SYNPO2L: variants seen among roughly 807,000 people sequenced by gnomAD.
SYNPO2L encodes the protein synaptopodin 2 like, also known as synaptopodin 2-like protein.
SYNPO2L carries 34 observed loss-of-function variants against 47.5 expected under a neutral mutation model. The ratio of observed to expected loss-of-function variants is 0.72; its 90% CI spans 0.54 to 0.95. The LOEUF is 0.95. SYNPO2L is among the 40% of genes least tolerant of loss of function. The pLI is 0.00. For synonymous variants in SYNPO2L, 536 were observed against 524.9 expected (o/e 1.02, Z -0.29); for missense variants, 1,246 against 1,282.0 (o/e 0.97, Z 0.43).
At position 73,648,848 on chromosome 10, in the gene SYNPO2L, C is replaced by G; in HGVS notation, c.804G>C (p.Lys268Asn). The G allele has an allele frequency of 1.3e-6, 2 of 1,540,328 alleles. No homozygotes were observed. The highest frequency in any genetic ancestry group is 2.3e-5 in the East Asian group (1 of 44,154). ...KLQRAESLQE[K>N]SIKEAKTKCR... ...ATTTGGTCTTGGCCTCTTTTATGCT[C>G]TTCTCTTGGAGGCTCTCTGCACGTT... is the stretch of plus-strand genomic sequence containing the variant. The change falls in exon 4 of 4, where the codon AAG (lysine) becomes AAC (asparagine). Residue 268 changes from lysine (K) to asparagine (N), a missense_variant. Transcript: ENST00000394810.
At position 73,648,596 on chromosome 10, in the gene SYNPO2L, C is replaced by G; in HGVS notation, c.1056G>C (p.Trp352Cys). ...DARSLTNQSD[W>C]DSPYLDMELA... is the part of the protein sequence containing the mutation. ...GCTCCATGTCCAGATAGGGACTGTC[C>G]CAGTCAGATTGATTGGTGAGGCTGC... The change falls in exon 4 of 4, where the codon TGG (tryptophan) becomes TGC (cysteine). Residue 352 changes from tryptophan (W) to cysteine (C), a missense_variant. Trp to Cys is a radical substitution (Grantham distance 215, BLOSUM62 -2). Around this residue, in one of 3 missense-constraint regions of SYNPO2L, gnomAD observed 1,037 missense variants for 1,021.5 expected, o/e 1.02. Transcript: ENST00000394810. 1.9e-6 allele frequency: 3 copies of G among 1,614,142 alleles called. No homozygotes were observed. Among genetic ancestry groups the G allele is most frequent in the Non-Finnish European group, 2.5e-6 (3 of 1,180,004 alleles).
At position 73,653,407 on chromosome 10, in the gene SYNPO2L, C is replaced by T. The variant is rs918895780; in HGVS notation, c.504G>A (p.Pro168=). The change falls in exon 3 of 4, where the codon CCG becomes CCA. Residue 168 remains proline (P), a synonymous_variant. Transcript: ENST00000394810. ...RRRGPTRPTP[P]GAPPDEVYLS... ...GGTAGACCTCATCAGGTGGGGCACC[C>T]GGAGGGGTGGGCCTTGTGGGGCCTC... The T allele has an allele frequency of 1.9e-5, 29 of 1,551,352 alleles. No homozygotes were observed. Among genetic ancestry groups the T allele is most frequent in the Admixed American group, 1.4e-4 (7 of 50,978 alleles).
chr10:73,651,903 G>A (rs1264546984), intron 3 of SYNPO2L, among the ~76,000 whole-genome samples: 3 of 151,628 alleles, frequency 2.0e-5, no homozygotes, highest in Non-Finnish European at 2.9e-5. Flanking sequence ...GTGAAACGCC[G>A]TCTCTACTAA....
At chr10:73,655,067 T>G (rs969647517) in intron 1 of SYNPO2L, among the ~76,000 whole-genome samples, 1 of 152,200 alleles carries the variant, frequency 6.6e-6, no homozygotes, top group African/African-American at 2.4e-5. Flanking sequence ...TACACACAAA[T>G]GTATATATGC....
intron 3 of SYNPO2L, among the ~76,000 whole-genome samples, chr10:73,649,125 T>A (rs1426849343): frequency 2.0e-5 from 3 of 152,114 alleles, no homozygotes; most frequent in Non-Finnish European, 4.4e-5. Flanking sequence ...AGCTCTTCCA[T>A]CCCATTTTAC....
Position 73,648,310 on chromosome 10 carries a change from T to A in SYNPO2L, c.1342A>T (p.Arg448Ter). 1 of 1,604,614 alleles carries A rather than the reference T, an allele frequency of 6.2e-7. No individual in the cohort carries two copies. Among genetic ancestry groups the A allele is most frequent in the Non-Finnish European group, 8.5e-7 (1 of 1,179,474 alleles). The change falls in exon 4 of 4, where the codon AGA (arginine) becomes TGA (stop). Residue 448 changes from arginine to a stop codon, truncating the protein, a stop_gained. Coordinates refer to ENST00000394810, the MANE Select transcript of SYNPO2L (RefSeq NM_001114133.3). LOFTEE classifies it low-confidence loss of function (END_TRUNC). Reference protein sequence around the residue: ...SPLPAPVASPRPFQPGGGAPT... With the variant: ...SPLPAPVASP The stretch of plus-strand genomic sequence containing the variant: ...GCTCCACCACCTGGTTGGAAGGGTC[T>A]GGGGCTGGCTACAGGCGCCGGCAAG...
Position 73,647,635 on chromosome 10 carries a change from C to T in SYNPO2L, c.2017G>A (p.Glu673Lys), listed in dbSNP as rs1281904778. Residue 673 changes from glutamate to lysine, a missense_variant, in exon 4 of 4, where the codon GAA becomes AAA. Around this residue, in one of 3 missense-constraint regions of SYNPO2L, gnomAD observed 1,037 missense variants for 1,021.5 expected, o/e 1.02. Transcript: ENST00000394810. The stretch of plus-strand genomic sequence containing the variant: ...GCCCCGAGGCTCAGAGCATCTTCTT[C>T]AGGACCAGATTCTGCACCCCCGGCC... ...PRAGGAESGP[E>K]EDALSLGAEA... The T allele has an allele frequency of 6.2e-7, 1 of 1,614,184 alleles. No individual in the cohort carries two copies. Among genetic ancestry groups the T allele is most frequent in the Admixed American group, 1.7e-5 (1 of 60,024 alleles).
At position 73,646,591 on chromosome 10, in the gene SYNPO2L, T is replaced by C. The variant is rs1207959667; in HGVS notation, c.*127A>G. The C allele has an allele frequency of 2.3e-5, 31 of 1,330,292 alleles. No individual in the cohort carries two copies. Among genetic ancestry groups the C allele is most frequent in the Non-Finnish European group, 3.0e-5 (31 of 1,036,098 alleles). The allele number at this position is 1,330,292 out of a possible 1,614,324, so 82.4% of individuals were successfully genotyped here. A position where few individuals can be genotyped will look rare whatever the true frequency, so the allele number is the denominator to read the frequency against. ...GAAGGTGGGGGAAGGGGACATCAAC[T>C]TGGAAACCATCTCTGGCAGGAGGCA... On this transcript the variant is annotated 3_prime_UTR_variant, in exon 4 of 4. Coordinates refer to ENST00000394810, the MANE Select transcript of SYNPO2L (RefSeq NM_001114133.3).
rs763416831 is a variant in SYNPO2L at position 73,648,496 on chromosome 10, G to T, written c.1156C>A (p.Arg386=). The change falls in exon 4 of 4, where the codon CGA becomes AGA. Residue 386 remains arginine (R), a synonymous_variant. Coordinates refer to ENST00000394810, the MANE Select transcript of SYNPO2L (RefSeq NM_001114133.3). The part of the protein sequence containing the change: ...LGGQLSEVSG[R]GVQLFEQQRQ... ...TGCTGTTCAAAGAGCTGCACCCCTCGCCCAGAGACCTCACTCAGCTGCCCT... is the reference window on the plus strand; with the variant it reads ...TGCTGTTCAAAGAGCTGCACCCCTCTCCCAGAGACCTCACTCAGCTGCCCT... 1 of 1,613,522 alleles carries T rather than the reference G, an allele frequency of 6.2e-7. No homozygotes were observed. Among genetic ancestry groups the T allele is most frequent in the Admixed American group, 1.7e-5 (1 of 60,010 alleles).
chr10:73,650,734 T>C, intron 3 of SYNPO2L: 1 of 985,334 alleles, frequency 1.0e-6, no homozygotes, highest in Non-Finnish European at 1.2e-6. Flanking sequence ...CTTTGACATG[T>C]GACCACAGCA....
Position 73,646,762 on chromosome 10 carries a change from C to G in SYNPO2L, c.2890G>C (p.Gly964Arg). ...ARPRFSATRT[G>R]LQAHVWRPGA... ...GGCCTCCACACATGAGCTTGCAATCCTGTTCTGGTGGCTGAAAATCGGGGC... is the reference window on the plus strand; with the variant it reads ...GGCCTCCACACATGAGCTTGCAATCGTGTTCTGGTGGCTGAAAATCGGGGC... The change falls in exon 4 of 4, where the codon GGA (glycine) becomes CGA (arginine). Residue 964 changes from glycine (G) to arginine (R), a missense_variant. Physicochemically the swap from Gly to Arg is moderately radical, Grantham distance 125. Transcript: ENST00000394810. The G allele has an allele frequency of 6.6e-7, 1 of 1,516,256 alleles. No individual in the cohort carries two copies. The highest frequency in any genetic ancestry group is 8.8e-7 in the Non-Finnish European group (1 of 1,133,388). 93.9% of individuals were successfully genotyped at this position (1,516,256 alleles called of 1,614,324 possible).
In SYNPO2L at chr10:73,648,321, A is replaced by G; in HGVS notation, c.1331T>C (p.Val444Ala). Residue 444 changes from valine (V) to alanine (A), a missense_variant, in exon 4 of 4, where the codon GTA becomes GCA. By Grantham distance (64) the Val-to-Ala change is moderately conservative (BLOSUM62 0). Transcript: ENST00000394810. ...VLPPSPLPAP[V>A]ASPRPFQPGG... ...TGGTTGGAAGGGTCTGGGGCTGGCT[A>G]CAGGCGCCGGCAAGGGGCTGGGTGG... 6.2e-7 allele frequency: 1 copy of G among 1,604,686 alleles called. No individual in the cohort carries two copies.
At chr10:73,654,358 C>G (rs1054760721) in intron 1 of SYNPO2L, 78 bp from the exon 2 acceptor site, 2 of 1,518,628 alleles carry the variant, frequency 1.3e-6, no homozygotes, top group African/African-American at 2.8e-5. Flanking sequence ...TGGGAAGGAC[C>G]CACAGGAGGG....
Position 73,647,804 on chromosome 10 carries a change from C to G in SYNPO2L, c.1848G>C (p.Val616=). ...GCAGGATACCCGTGCGGGCAGCTGG[C>G]ACAGAGATGCGCTGCTCGCGAGCGC... ...PPSAREQRIS[V]PAARTGILQE... The change falls in exon 4 of 4, where the codon GTG becomes GTC. Residue 616 remains valine (V), a synonymous_variant. Coordinates refer to ENST00000394810, the MANE Select transcript of SYNPO2L (RefSeq NM_001114133.3). The G allele has an allele frequency of 6.2e-7, 1 of 1,607,422 alleles. No individual in the cohort carries two copies. The highest frequency in any genetic ancestry group is 8.5e-7 in the Non-Finnish European group (1 of 1,176,168).
At position 73,654,073 on chromosome 10, in the gene SYNPO2L, G is replaced by A; in HGVS notation, c.257+56C>T. ...AGCCAGGCCAGTGAGACATAGAGCT[G>A]AGACAGGCAATGGGAGCCCTGGATT... On this transcript the variant is annotated intron_variant, in intron 2 of 3. Transcript: ENST00000394810. 3.3e-6 allele frequency: 5 copies of A among 1,535,034 alleles called. No homozygotes were observed. In the South Asian group the frequency reaches 6.0e-5, roughly 19 times the overall value.
At position 73,645,276 on chromosome 10, in the gene SYNPO2L, C is replaced by A. The variant is rs1347519468; in HGVS notation, c.*1442G>T. The stretch of plus-strand genomic sequence containing the variant: ...TCCCTTCCATTCTAACATTCTTCTC[C>A]CTCAAATTTTTTTCCAATCCCCCTC... On this transcript the variant is annotated 3_prime_UTR_variant, in exon 4 of 4. Transcript: ENST00000394810. 1 of 1,086,876 alleles carries A rather than the reference C, an allele frequency of 9.2e-7. No homozygotes were observed. Among genetic ancestry groups the A allele is most frequent in the East Asian group, 1.1e-4 (1 of 9,126 alleles). 67.3% of individuals were successfully genotyped at this position (1,086,876 alleles called of 1,614,324 possible). A position where few individuals can be genotyped will look rare whatever the true frequency, so the allele number is the denominator to read the frequency against.
rs2081755557 is a variant in SYNPO2L at position 73,646,764 on chromosome 10, G to A, written c.2888C>T (p.Thr963Ile). 4 of 1,519,286 alleles carry A rather than the reference G, an allele frequency of 2.6e-6. No homozygotes were observed. The highest frequency in any genetic ancestry group is 3.5e-6 in the Non-Finnish European group (4 of 1,135,436). 94.1% of individuals were successfully genotyped at this position (1,519,286 alleles called of 1,614,324 possible). A position where few individuals can be genotyped will look rare whatever the true frequency, so the allele number is the denominator to read the frequency against. Reference sequence around the variant, plus strand: ...CCTCCACACATGAGCTTGCAATCCTGTTCTGGTGGCTGAAAATCGGGGCCT... The same window carrying A: ...CCTCCACACATGAGCTTGCAATCCTATTCTGGTGGCTGAAAATCGGGGCCT... ...VARPRFSATR[T>I]GLQAHVWRPG... The change falls in exon 4 of 4, where the codon ACA (threonine) becomes ATA (isoleucine). Residue 963 changes from threonine to isoleucine, a missense_variant. Transcript: ENST00000394810.
At chr10:73,649,714 G>A (rs2081822768) in intron 3 of SYNPO2L, 1 of 985,364 alleles carries the variant, frequency 1.0e-6, no homozygotes, top group Admixed American at 6.1e-5. Context: ...CCTCCCTGCA[G>A]AGACCCTGTT....
At chr10:73,652,805 C>T (rs926747179) in intron 3 of SYNPO2L, among the ~76,000 whole-genome samples, 9 of 152,160 alleles carry the variant, frequency 5.9e-5, no homozygotes, top group Middle Eastern at 3.2e-3. Context: ...CTCCCCTGTC[C>T]TGTGTCTGTA....
Sources: allele counts gnomAD v4.1 joint callset (sites outside exome capture counted in the v4.1 genomes callset), GRCh38; gene constraint gnomAD v4.1.1; regional missense constraint gnomAD v4.1.1; transcripts MANE v1.5; gene names NCBI Gene and HGNC (gene_info 2026-07-23, HGNC 2026-07-21).